OSBPL3: variants seen among roughly 807,000 people sequenced by gnomAD.
OSBPL3 encodes the protein oxysterol-binding protein-related protein 3.
A neutral mutation model predicts 120.1 loss-of-function variants in OSBPL3; 65 were observed. That is an observed-to-expected ratio of 0.54 (90% CI 0.44 to 0.67). The LOEUF is 0.67. OSBPL3 is among the 30% of genes least tolerant of loss of function. The pLI is 0.00. For missense variants in OSBPL3, 1,004 were observed against 1,082.1 expected, an observed-to-expected ratio of 0.93 and a Z score of 1.01; for synonymous variants, 416 against 402.6, an observed-to-expected ratio of 1.03 and a Z score of -0.40.
chr7:24,854,428 G>C lies in OSBPL3; in HGVS notation c.1028-1794C>G, dbSNP rs1799551386. ...CTCTCTATATGTTGTTGCTGAACTT[G>C]TCTGAGGTTGTGGCATTTAGTGATG... On this transcript the variant is annotated intron_variant, in intron 10 of 22. Transcript: ENST00000313367. This position sits in a 1 kb window ranked among gnomAD's most constrained non-coding sequence, Gnocchi z 4.1. 6.6e-6 allele frequency among the ~76,000 whole-genome samples: 1 copy of C among 151,702 alleles called. No homozygotes were observed. The highest frequency in any genetic ancestry group is 2.1e-4 in the South Asian group (1 of 4,808).
intron 19 of OSBPL3, among the ~76,000 whole-genome samples, chr7:24,812,422 T>G (rs1442715208): frequency 6.6e-6 from 1 of 152,042 alleles, no homozygotes. Context: ...GAGGCAACCT[T>G]GCACTCTATT....
At chr7:24,935,991 T>C (rs1040980944) in intron 1 of OSBPL3, among the ~76,000 whole-genome samples, 2 of 151,912 alleles carry the variant, frequency 1.3e-5, no homozygotes, top group Non-Finnish European at 2.9e-5. Context: ...CATTAACTTG[T>C]CATTTAGCAT....
At chr7:24,870,985 G>A (rs1584453662) in intron 4 of OSBPL3, 140 bp from the exon 5 acceptor site, 2 of 656,638 alleles carry the variant, frequency 3.0e-6, no homozygotes, top group Non-Finnish European at 5.6e-6. Flanking sequence ...AGCCAGTGCT[G>A]AGTTACGTGC....
At chr7:24,901,744 G>A (rs187916372) in intron 1 of OSBPL3, among the ~76,000 whole-genome samples, 75 of 152,302 alleles carry the variant, frequency 4.9e-4, no homozygotes, top group Admixed American at 5.9e-4. Flanking sequence ...GGTTGACAAG[G>A]TGCTTCTGGG....
intron 14 of OSBPL3, among the ~76,000 whole-genome samples, chr7:24,838,317 G>A (rs906094262): frequency 6.6e-6 from 1 of 152,036 alleles, no homozygotes; most frequent in African/African-American, 2.4e-5. Flanking sequence ...CCAACATGGT[G>A]AAACCCTGTT....
At chr7:24,858,867 C>T (rs554614550) in intron 10 of OSBPL3, among the ~76,000 whole-genome samples, 67 of 152,302 alleles carry the variant, frequency 4.4e-4, no homozygotes, top group African/African-American at 1.6e-3. Flanking sequence ...CAGGACATTT[C>T]CTCTGTGTAG....
intron 1 of OSBPL3, among the ~76,000 whole-genome samples, chr7:24,895,663 A>C (rs1170899432): frequency 2.0e-5 from 3 of 152,114 alleles, no homozygotes; most frequent in African/African-American, 7.2e-5. Flanking sequence ...GGCTGGGGTC[A>C]CCAGAGAGGA....
chr7:24,912,925 G>A lies in OSBPL3; in HGVS notation c.-149-20304C>T, dbSNP rs1393164163. 6.6e-6 allele frequency among the ~76,000 whole-genome samples: 1 copy of A among 152,160 alleles called. No individual in the cohort carries two copies. The highest frequency in any genetic ancestry group is 1.5e-5 in the Non-Finnish European group (1 of 68,028). On this transcript the variant is annotated intron_variant, in intron 1 of 22. Coordinates refer to ENST00000313367, the MANE Select transcript of OSBPL3 (RefSeq NM_015550.4). This position sits in a 1 kb window ranked among gnomAD's most constrained non-coding sequence, Gnocchi z 4.5. Reference sequence around the variant, plus strand: ...CTTCCACTTGTCCTGTTGTCTCAGGGTGCTTGCCCTTCAACTCAGCCACCA... The same window carrying A: ...CTTCCACTTGTCCTGTTGTCTCAGGATGCTTGCCCTTCAACTCAGCCACCA...
At chr7:24,864,152 G>T (rs1185642896) in intron 7 of OSBPL3, among the ~76,000 whole-genome samples, 1 of 152,162 alleles carries the variant, frequency 6.6e-6, no homozygotes, top group Non-Finnish European at 1.5e-5. Flanking sequence ...ACCATAATAA[G>T]CCTCTTGCAC....
intron 1 of OSBPL3, among the ~76,000 whole-genome samples, chr7:24,906,963 C>G (rs1340911834): frequency 6.6e-6 from 1 of 152,140 alleles, no homozygotes; most frequent in Non-Finnish European, 1.5e-5. Flanking sequence ...GCTCATTACT[C>G]CCTCATGCTG....
At chr7:24,981,379 T>A (rs1818332245), upstream of OSBPL3, 2 of 152,268 alleles carry the variant, frequency 1.3e-5, no homozygotes, top group South Asian at 4.1e-4. The surrounding 1 kb of genome is among the most constrained non-coding windows in gnomAD (Gnocchi z 7.3). Context: ...TTAGCCTCCC[T>A]GAAGACCCAA....
chr7:24,893,748 CG>C (rs974586291), intron 1 of OSBPL3, among the ~76,000 whole-genome samples: 1 of 22,570 alleles, frequency 4.4e-5, no homozygotes, highest in East Asian at 1.6e-3. Flanking sequence ...GGCGGCGGGG[CG>C]GGGGGGACGG....
chr7:24,917,401 CATAT>C (rs59525014), intron 1 of OSBPL3, among the ~76,000 whole-genome samples: 3,191 of 100,052 alleles, frequency 0.032, 204 homozygotes, highest in African/African-American at 0.11. Context: ...ATATTTGTAA[CATAT>C]ATATATATAT....
At position 24,803,921 on chromosome 7, in the gene OSBPL3, T is replaced by C. The variant is rs78084067; in HGVS notation, c.2567+394A>G. Among the ~76,000 whole-genome samples the C allele has an allele frequency of 9.3e-3, 1,411 of 152,250 alleles. 16 individuals carry two copies. The highest frequency in any genetic ancestry group is 0.032 in the African/African-American group (1,324 of 41,546). ...TCCATACTGCTTAACTGTGGAGTGA[T>C]CGTGAATGATCTCTGTCATGGTGTA... On this transcript the variant is annotated intron_variant, in intron 22 of 22. Coordinates refer to ENST00000313367, the MANE Select transcript of OSBPL3 (RefSeq NM_015550.4). This position sits in a 1 kb window ranked among gnomAD's most constrained non-coding sequence, Gnocchi z 4.2.
rs770096961 is a variant in OSBPL3 at position 24,830,877 on chromosome 7, G to T, written c.1775C>A (p.Ala592Glu). 1 of 1,612,754 alleles carries T rather than the reference G, an allele frequency of 6.2e-7. No homozygotes were observed. Among genetic ancestry groups the T allele is most frequent in the Non-Finnish European group, 8.5e-7 (1 of 1,179,640 alleles). Residue 592 changes from alanine to glutamate, a missense_variant, in exon 16 of 23, where the codon GCG (alanine) becomes GAG (glutamate). Around this residue, in one of 4 missense-constraint regions of OSBPL3, gnomAD observed 473 missense variants for 568.0 expected, o/e 0.83. Coordinates refer to ENST00000313367, the MANE Select transcript of OSBPL3 (RefSeq NM_015550.4). This position sits in a 1 kb window ranked among gnomAD's most constrained non-coding sequence, Gnocchi z 4.4. ...AGCTCGGTAGTAGCTAGATGCATACGCTGATATGGCAAAGGCTGCCACATA... is the reference window on the plus strand; with the variant it reads ...AGCTCGGTAGTAGCTAGATGCATACTCTGATATGGCAAAGGCTGCCACATA... ...MVYVAAFAISAYASSYYRAGS... is the reference protein window; with the variant it reads ...MVYVAAFAISEYASSYYRAGS...
At chr7:24,860,340 T>C (rs1425525838) in intron 10 of OSBPL3, among the ~76,000 whole-genome samples, 2 of 152,202 alleles carry the variant, frequency 1.3e-5, no homozygotes, top group African/African-American at 4.8e-5. Context: ...CACCCAAATC[T>C]TATCTTGAAT....
In OSBPL3 at chr7:24,815,968, G is replaced by C. The variant is rs1293404293; in HGVS notation, c.2027+642C>G. 6.6e-6 allele frequency among the ~76,000 whole-genome samples: 1 copy of C among 152,104 alleles called. No homozygotes were observed. The highest frequency in any genetic ancestry group is 1.5e-5 in the Non-Finnish European group (1 of 68,014). On this transcript the variant is annotated intron_variant, in intron 18 of 22. Transcript: ENST00000313367. The surrounding 1 kb of genome is among the most constrained non-coding windows in gnomAD (Gnocchi z 5.1). ...TATCAATCATCCCTATCAGATCAAG[G>C]CCATACTTTTCTTAAAAGGGATTTT...
chr7:24,887,048 T>C, intron 2 of OSBPL3, among the ~76,000 whole-genome samples: 1 of 152,236 alleles, frequency 6.6e-6, no homozygotes. Flanking sequence ...ATGAGCAATC[T>C]TGTTTTTATA....
At chr7:24,957,895 C>CA (rs1189629619) in intron 1 of OSBPL3, among the ~76,000 whole-genome samples, 2 of 152,160 alleles carry the variant, frequency 1.3e-5, no homozygotes, top group African/African-American at 4.8e-5. Flanking sequence ...TGCCATCATA[C>CA]ACTGTTTTAC....
Sources: allele counts gnomAD v4.1 joint callset (sites outside exome capture counted in the v4.1 genomes callset), GRCh38; gene constraint gnomAD v4.1.1; regional missense constraint gnomAD v4.1.1; non-coding constraint Gnocchi (gnomAD v3.1); transcripts MANE v1.5; gene names NCBI Gene and HGNC (gene_info 2026-07-23, HGNC 2026-07-21).